Variants in CLDN16 observed in about 807,000 individuals in gnomAD.
CLDN16 encodes claudin 16.
Under a neutral mutation model 24.6 loss-of-function variants are expected in CLDN16, and 13 were observed. The observed-to-expected ratio is 0.53, with a 90% confidence interval of 0.34 to 0.84. CLDN16 has a LOEUF of 0.84. Ranked by LOEUF, CLDN16 falls within the 40% of genes least tolerant of loss-of-function variation. CLDN16 has a pLI of 0.01. For missense variants in CLDN16, 298 were observed against 292.7 expected, an observed-to-expected ratio of 1.02 and a Z score of -0.13; for synonymous variants, 116 against 106.7, an observed-to-expected ratio of 1.09 and a Z score of -0.54.
Position 190,410,040 on chromosome 3 carries a change from G to C in CLDN16, c.*4G>C. Reference sequence around the variant, plus strand: ...TGCTGTAGACACAAGGGTGTAAAATGCACGTTTCAGGGTGTGTTTGCATAT... The same window carrying C: ...TGCTGTAGACACAAGGGTGTAAAATCCACGTTTCAGGGTGTGTTTGCATAT... On this transcript the variant is annotated 3_prime_UTR_variant, in exon 5 of 5. Transcript: ENST00000264734. The C allele has an allele frequency of 1.2e-6, 2 of 1,614,048 alleles. No homozygotes were observed. The highest frequency in any genetic ancestry group is 1.7e-6 in the Non-Finnish European group (2 of 1,179,986).
chr3:190,329,967 G>C (rs1466400102), intron 1 of CLDN16, among the ~76,000 whole-genome samples: 2 of 152,090 alleles, frequency 1.3e-5, no homozygotes, highest in Non-Finnish European at 2.9e-5. Context: ...TGGATTCTTA[G>C]TGTACTAGAG....
chr3:190,351,484 A>G (rs1018499390), intron 1 of CLDN16, among the ~76,000 whole-genome samples: 71 of 152,302 alleles, frequency 4.7e-4, no homozygotes, highest in African/African-American at 1.6e-3. Flanking sequence ...CAGTTTTCTC[A>G]TGTGTAAAAT....
intron 1 of CLDN16, among the ~76,000 whole-genome samples, chr3:190,330,555 G>A (rs1025631588): frequency 9.2e-5 from 14 of 152,000 alleles, no homozygotes; most frequent in South Asian, 2.1e-4. Flanking sequence ...TTCATCATCC[G>A]GTGGTGGTGA....
At chr3:190,393,258 G>C (rs918478413) in intron 1 of CLDN16, among the ~76,000 whole-genome samples, 1 of 152,130 alleles carries the variant, frequency 6.6e-6, no homozygotes, top group Non-Finnish European at 1.5e-5. Flanking sequence ...ATGGAGCAAT[G>C]TCCCTGAACC....
chr3:190,354,954 C>A (rs1012649707), intron 1 of CLDN16, among the ~76,000 whole-genome samples: 6 of 151,978 alleles, frequency 3.9e-5, no homozygotes, highest in African/African-American at 1.4e-4. Context: ...AAGTGCCTAA[C>A]AAGTGGTTTG....
upstream of CLDN16, among the ~76,000 whole-genome samples, chr3:190,386,133 T>C (rs1462269302): frequency 6.6e-6 from 1 of 151,506 alleles, no homozygotes; most frequent in African/African-American, 2.4e-5. Flanking sequence ...TGGAATTGGT[T>C]TGCTCTCCCA....
At chr3:190,312,878 G>A in the CLDN16 span, 44 of 1,614,120 alleles carry the variant, frequency 2.7e-5, no homozygotes, top group Admixed American at 6.3e-4. Flanking sequence ...TTACCTGCAA[G>A]AAGAAATATC....
intron 4 of CLDN16, among the ~76,000 whole-genome samples, chr3:190,408,913 T>TAGTACATATGTATACACATATACAC: frequency 6.7e-6 from 1 of 148,926 alleles, no homozygotes; most frequent in Non-Finnish European, 1.5e-5. Context: ...TACGTATACA[T>TAGTACATATGTATACACATATACAC]AGTACATATG....
chr3:190,358,961 A>T (rs1375579128), intron 1 of CLDN16, among the ~76,000 whole-genome samples: 2 of 151,678 alleles, frequency 1.3e-5, no homozygotes, highest in Non-Finnish European at 2.9e-5. Flanking sequence ...CTGAAACCTA[A>T]TTTATTATTT....
At chr3:190,375,501 T>C (rs947458256) in intron 3 of CLDN16, among the ~76,000 whole-genome samples, 1 of 151,952 alleles carries the variant, frequency 6.6e-6, no homozygotes, top group Non-Finnish European at 1.5e-5. Context: ...ATTTGTTTTA[T>C]GGTTGATCCT....
At chr3:190,310,310 C>T in the CLDN16 span, 147 of 1,363,292 alleles carry the variant, frequency 1.1e-4, no homozygotes, top group Non-Finnish European at 1.5e-4. Context: ...AGCCTAAATA[C>T]ACAACCTGTT....
chr3:190,353,883 T>C (rs1379950446), intron 1 of CLDN16, among the ~76,000 whole-genome samples: 1 of 152,056 alleles, frequency 6.6e-6, no homozygotes, highest in African/African-American at 2.4e-5. Context: ...TACCACTAAC[T>C]TGGTGGTTTA....
chr3:190,348,077 A>G, intron 1 of CLDN16, among the ~76,000 whole-genome samples: 1 of 139,376 alleles, frequency 7.2e-6, no homozygotes, highest in Non-Finnish European at 1.5e-5. Flanking sequence ...CCCCGTCTCT[A>G]CTGAAAATAC....
chr3:190,357,472 C>A (rs1163533632), intron 1 of CLDN16, among the ~76,000 whole-genome samples: 1 of 151,832 alleles, frequency 6.6e-6, no homozygotes, highest in African/African-American at 2.4e-5. Flanking sequence ...ATTTTCCTTT[C>A]CTCATTCTAG....
At chr3:190,409,823 A>G in intron 4 of CLDN16, 80 bp from the exon 5 acceptor site, 1 of 1,333,206 alleles carries the variant, frequency 7.5e-7, no homozygotes, top group South Asian at 1.2e-5. Flanking sequence ...GTTCCTTTTG[A>G]GGAAGAACAT....
At chr3:190,391,545 G>A (rs17445180) in intron 1 of CLDN16, among the ~76,000 whole-genome samples, 28,358 of 152,112 alleles carry the variant, frequency 0.19, 3,078 homozygotes, top group Middle Eastern at 0.29. Context: ...TGAAAGAAAA[G>A]GCATTTGAGC....
chr3:190,355,662 A>G (rs998641218), intron 1 of CLDN16, among the ~76,000 whole-genome samples: 2 of 151,868 alleles, frequency 1.3e-5, no homozygotes, highest in South Asian at 4.1e-4. Flanking sequence ...ACAATGTTTT[A>G]TATGAAAAAT....
the CLDN16 span, among the ~76,000 whole-genome samples, chr3:190,298,028 C>A: frequency 6.6e-6 from 1 of 151,930 alleles, no homozygotes; most frequent in South Asian, 2.1e-4. Context: ...CATGGACAAC[C>A]ATTCTATCCA....
In CLDN16 at chr3:190,357,589, T is replaced by A. The variant is rs1328169512; in HGVS notation, n.122-13304T>A. 2.0e-5 allele frequency among the ~76,000 whole-genome samples: 3 copies of A among 151,960 alleles called. No homozygotes were observed. The East Asian group carries it at 5.8e-4, about 29-fold the overall frequency. On this transcript the variant is annotated intron_variant and non_coding_transcript_variant, in intron 1 of 4. Transcript: ENST00000468220. ...AAGACTAAAGTCCAGTTCCTCAGTA[T>A]GATACTGAAAGTTCTTCCCAAAATA...
Sources: gnomAD v4.1 joint callset for allele counts (sites outside exome capture counted in the v4.1 genomes callset) on GRCh38, gnomAD v4.1.1 for gene constraint, MANE v1.5 for transcripts, NCBI Gene and HGNC (gene_info 2026-07-23, HGNC 2026-07-21) for gene names.